The following TRPC4 variants were observed in gnomAD, a reference collection of about 807,000 sequenced individuals.
The protein encoded by TRPC4 is transient receptor potential cation channel subfamily C member 4.
TRPC4 carries 49 observed loss-of-function variants against 99.4 expected under a neutral mutation model. That is an observed-to-expected ratio of 0.49 (90% CI 0.39 to 0.63). The LOEUF (loss-of-function observed/expected upper bound fraction) is 0.63, where lower values mean the gene tolerates loss of function less well. TRPC4 is among the 20% of genes least tolerant of loss of function. The pLI, the probability that TRPC4 is intolerant of heterozygous loss-of-function variation, is 0.00. For synonymous variants in TRPC4, 454 were observed against 425.9 expected (o/e 1.07, Z -0.81); for missense variants, 898 against 1,152.9 (o/e 0.78, Z 3.20).
At chr13:37,853,339 T>C (rs1220842951) in intron 1 of TRPC4, among the ~76,000 whole-genome samples, 1 of 152,124 alleles carries the variant, frequency 6.6e-6, no homozygotes, top group Admixed American at 6.5e-5. Context: ...TTACTACAGA[T>C]CTTATTAAAG....
At chr13:37,692,449 AT>A in intron 3 of TRPC4, 114 bp from the exon 4 acceptor site, 1 of 979,280 alleles carries the variant, frequency 1.0e-6, no homozygotes, top group Non-Finnish European at 1.5e-6. Flanking sequence ...GTTTCACATA[AT>A]TTTACATTTA....
At chr13:37,723,772 C>A (rs1954948702) in intron 3 of TRPC4, among the ~76,000 whole-genome samples, 1 of 152,088 alleles carries the variant, frequency 6.6e-6, no homozygotes. Flanking sequence ...CCAGGCTGGT[C>A]TTGAACTCCT....
chr13:37,636,777 A>ACC lies in TRPC4; in HGVS notation c.*125_*126insGG. On this transcript the variant is annotated 3_prime_UTR_variant, in exon 11 of 11. Transcript: ENST00000379705. The stretch of plus-strand genomic sequence containing the variant: ...CTTATTTAAACATGTTACAGGTAAT[A>ACC]TGCCACAGCTGATAAACGCTATAAA... 7.5e-7 allele frequency: 1 copy of ACC among 1,325,844 alleles called. No individual in the cohort carries two copies. The highest frequency in any genetic ancestry group is 1.0e-6 in the Non-Finnish European group (1 of 995,396). The allele number at this position is 1,325,844 out of a possible 1,614,324, so 82.1% of individuals were successfully genotyped here. A position where few individuals can be genotyped will look rare whatever the true frequency, so the allele number is the denominator to read the frequency against.
chr13:37,634,894 G>T lies in TRPC4; in HGVS notation c.*2009C>A, dbSNP rs892259480. 2.1e-4 allele frequency among the ~76,000 whole-genome samples: 32 copies of T among 151,948 alleles called. 1 individual carries two copies. Among genetic ancestry groups the T allele is most frequent in the African/African-American group, 7.7e-4 (32 of 41,402 alleles). The stretch of plus-strand genomic sequence containing the variant: ...TTGAAACAGTAAATGCATTCATTTA[G>T]GCTTGTGTTTCTCCAAATCTATCTG... On this transcript the variant is annotated 3_prime_UTR_variant, in exon 11 of 11. Transcript: ENST00000379705.
rs537332708 is a variant in TRPC4, at chr13:37,829,289, A to T, written c.-28+40306T>A. Among the ~76,000 whole-genome samples the T allele has an allele frequency of 9.2e-5, 14 of 152,342 alleles. No homozygotes were observed. In the South Asian group the frequency reaches 2.1e-3, roughly 23 times the overall value. On this transcript the variant is annotated intron_variant, in intron 1 of 10. Coordinates refer to ENST00000379705, the MANE Select transcript of TRPC4 (RefSeq NM_016179.4). Reference sequence around the variant, plus strand: ...AAAAAGGCAAATATTCAGATTTTTTAAAAAATGTGCAAAGAATATAAACAG... The same window carrying T: ...AAAAAGGCAAATATTCAGATTTTTTTAAAAATGTGCAAAGAATATAAACAG...
At chr13:37,833,124 AGATTTTT>A (rs1390897562) in intron 1 of TRPC4, among the ~76,000 whole-genome samples, 2 of 151,954 alleles carry the variant, frequency 1.3e-5, no homozygotes, top group East Asian at 3.9e-4. Context: ...TGCTTCACAG[AGATTTTT>A]AAAAATTCAT....
At chr13:37,812,733 T>C (rs1957738570) in intron 1 of TRPC4, among the ~76,000 whole-genome samples, 1 of 152,086 alleles carries the variant, frequency 6.6e-6, no homozygotes, top group South Asian at 2.1e-4. Context: ...CCAAATTTGA[T>C]AATAATTGTT....
chr13:37,840,281 A>C (rs1958696085), intron 1 of TRPC4, among the ~76,000 whole-genome samples: 1 of 152,152 alleles, frequency 6.6e-6, no homozygotes, highest in Admixed American at 6.5e-5. Context: ...TAATAAAAAA[A>C]TGAAAAATCT....
At chr13:37,866,201 G>A (rs1593347699) in intron 1 of TRPC4, among the ~76,000 whole-genome samples, 1 of 151,648 alleles carries the variant, frequency 6.6e-6, no homozygotes, top group Admixed American at 6.6e-5. Context: ...TTAAATTAAT[G>A]TTTTAATTAA....
intron 2 of TRPC4, among the ~76,000 whole-genome samples, chr13:37,775,197 G>A (rs1460584151): frequency 6.6e-6 from 1 of 151,476 alleles, no homozygotes; most frequent in African/African-American, 2.4e-5. Flanking sequence ...GGAATATTTA[G>A]CCTCTTCAAT....
Position 37,745,951 on chromosome 13 carries a change from A to G in TRPC4, c.883T>C (p.Tyr295His). The change falls in exon 3 of 11, where the codon TAC becomes CAC. Residue 295 changes from tyrosine (Y) to histidine (H), a missense_variant. Around this residue, in one of 3 missense-constraint regions of TRPC4, gnomAD observed 278 missense variants for 346.6 expected, o/e 0.80. Transcript: ENST00000379705. ...GCAACACTCACCTCTTTTTGACGGT[A>G]CTTAATGGCCAATTTTAGTCTTGCA... ...DLARLKLAIK[Y>H]RQKEFVAQPN... 1 of 1,612,664 alleles carries G rather than the reference A, an allele frequency of 6.2e-7. No homozygotes were observed. The highest frequency in any genetic ancestry group is 8.5e-7 in the Non-Finnish European group (1 of 1,179,078).
intron 3 of TRPC4, among the ~76,000 whole-genome samples, chr13:37,722,417 C>A (rs993118123): frequency 1.3e-5 from 2 of 152,196 alleles, no homozygotes; most frequent in African/African-American, 4.8e-5. Flanking sequence ...GTAATCAGAG[C>A]ATTCAAATTT....
At chr13:37,741,390 C>T (rs902455398) in intron 3 of TRPC4, among the ~76,000 whole-genome samples, 1 of 152,152 alleles carries the variant, frequency 6.6e-6, no homozygotes, top group African/African-American at 2.4e-5. Context: ...TCGTCCTCGC[C>T]TTTATGTTAC....
chr13:37,677,102 A>T (rs1031456335), intron 4 of TRPC4, among the ~76,000 whole-genome samples: 1 of 152,104 alleles, frequency 6.6e-6, no homozygotes, highest in African/African-American at 2.4e-5. Context: ...GCCTCCCGTC[A>T]TAAGGTTCTT....
At chr13:37,732,212 A>C (rs1955259228) in intron 3 of TRPC4, among the ~76,000 whole-genome samples, 1 of 152,122 alleles carries the variant, frequency 6.6e-6, no homozygotes, top group South Asian at 2.1e-4. Context: ...TAATGTGGTA[A>C]ATGTACATGC....
At chr13:37,855,744 C>A (rs1959168225) in intron 1 of TRPC4, among the ~76,000 whole-genome samples, 1 of 151,748 alleles carries the variant, frequency 6.6e-6, no homozygotes, top group Non-Finnish European at 1.5e-5. Flanking sequence ...GGAAACTATT[C>A]AAACACATGG....
intron 3 of TRPC4, among the ~76,000 whole-genome samples, chr13:37,720,513 C>T (rs914450568): frequency 6.6e-6 from 1 of 151,846 alleles, no homozygotes; most frequent in Non-Finnish European, 1.5e-5. Context: ...CTGAACTTTT[C>T]TGTGTTTCTG....
chr13:37,789,527 A>C (rs1247782781), intron 1 of TRPC4, among the ~76,000 whole-genome samples: 2 of 152,156 alleles, frequency 1.3e-5, no homozygotes, highest in Admixed American at 6.6e-5. Flanking sequence ...TTTGTAGGTG[A>C]ATCAAGGAAT....
chr13:37,737,401 C>T (rs1955431517), intron 3 of TRPC4, among the ~76,000 whole-genome samples: 1 of 152,118 alleles, frequency 6.6e-6, no homozygotes, highest in Admixed American at 6.6e-5. Flanking sequence ...TTGTCCAACA[C>T]TACATCCTTG....
Sources: allele counts gnomAD v4.1 joint callset (sites outside exome capture counted in the v4.1 genomes callset), GRCh38; gene constraint gnomAD v4.1.1; regional missense constraint gnomAD v4.1.1; transcripts MANE v1.5; gene names NCBI Gene and HGNC (gene_info 2026-07-23, HGNC 2026-07-21).